Variants in ARK2C observed in about 807,000 individuals in gnomAD.
ARK2C encodes the protein E3 ubiquitin-protein ligase ARK2C.
the ARK2C span, among the ~76,000 whole-genome samples, chr18:46,419,101 T>C: frequency 6.6e-6 from 1 of 152,170 alleles, no homozygotes; most frequent in Non-Finnish European, 1.5e-5. Context: ...ACCCCAGAAG[T>C]AGGCTGTCAG....
chr18:46,398,027 G>A, the ARK2C span, among the ~76,000 whole-genome samples: 2 of 146,474 alleles, frequency 1.4e-5, no homozygotes, highest in Non-Finnish European at 3.0e-5. Flanking sequence ...GTGTGGTCAT[G>A]TGGAGGTGTG....
chr18:46,427,508 A>G, the ARK2C span, among the ~76,000 whole-genome samples: 1 of 152,206 alleles, frequency 6.6e-6, no homozygotes, highest in Non-Finnish European at 1.5e-5. Context: ...CCCACCCGGG[A>G]GGGTACTGGC....
the ARK2C span, among the ~76,000 whole-genome samples, chr18:46,347,617 G>A: frequency 5.3e-5 from 8 of 152,126 alleles, no homozygotes; most frequent in African/African-American, 9.7e-5. Context: ...TAAACGAGAC[G>A]GTGGATGTAA....
At chr18:46,366,040 C>A in the ARK2C span, among the ~76,000 whole-genome samples, 7 of 151,980 alleles carry the variant, frequency 4.6e-5, no homozygotes, top group African/African-American at 1.7e-4. Flanking sequence ...CACCTGTAAT[C>A]CCAGCACTTT....
chr18:46,424,455 G>C, the ARK2C span, among the ~76,000 whole-genome samples: 43 of 152,328 alleles, frequency 2.8e-4, no homozygotes, highest in Middle Eastern at 6.8e-3. Context: ...TCGAAGGTCA[G>C]CGCTGGTCCT....
chr18:46,459,655 C>T, the ARK2C span: 38 of 152,728 alleles, frequency 2.5e-4, no homozygotes, highest in African/African-American at 8.7e-4. Flanking sequence ...GTGCTCAGAA[C>T]CCTGCAGCTC....
the ARK2C span, among the ~76,000 whole-genome samples, chr18:46,375,274 C>T: frequency 1.3e-5 from 2 of 149,830 alleles, no homozygotes; most frequent in East Asian, 1.9e-4. Flanking sequence ...TTGTCCTGGC[C>T]GGGCACAGTG....
At chr18:46,428,418 GAAAAAC>G in the ARK2C span, among the ~76,000 whole-genome samples, 8 of 152,048 alleles carry the variant, frequency 5.3e-5, no homozygotes, top group East Asian at 5.8e-4. Context: ...AAAACAAAAA[GAAAAAC>G]AAAAACAAAA....
chr18:46,397,453 GGTGTGT>G, the ARK2C span, among the ~76,000 whole-genome samples: 1 of 118,872 alleles, frequency 8.4e-6, no homozygotes, highest in African/African-American at 3.4e-5. Flanking sequence ...GGTGTGAGGG[GGTGTGT>G]GTGTGTGTGT....
At chr18:46,442,127 C>T in the ARK2C span, among the ~76,000 whole-genome samples, 3 of 147,752 alleles carry the variant, frequency 2.0e-5, no homozygotes, top group African/African-American at 7.5e-5. Flanking sequence ...CGCGCCACTG[C>T]GCTCCAGCCT....
chr18:46,414,855 G>A, the ARK2C span, among the ~76,000 whole-genome samples: 10 of 152,178 alleles, frequency 6.6e-5, no homozygotes, highest in African/African-American at 2.4e-4. Flanking sequence ...TTCACCCCTA[G>A]GAAACATTTT....
chr18:46,343,618 C>G, the ARK2C span, among the ~76,000 whole-genome samples: 1 of 152,222 alleles, frequency 6.6e-6, no homozygotes, highest in Non-Finnish European at 1.5e-5. Flanking sequence ...CTGAGTACTC[C>G]GCGACTTCAC....
At chr18:46,456,435 C>G in the ARK2C span, 1 of 985,588 alleles carries the variant, frequency 1.0e-6, no homozygotes, top group Non-Finnish European at 1.6e-6. Flanking sequence ...GGGCAGTTCC[C>G]CAGGAGTCCT....
the ARK2C span, among the ~76,000 whole-genome samples, chr18:46,344,696 G>C: frequency 6.6e-6 from 1 of 152,206 alleles, no homozygotes; most frequent in Non-Finnish European, 1.5e-5. Context: ...CTCTGCCTGT[G>C]ACGTTTGGGA....
the ARK2C span, chr18:46,336,909 G>T: frequency 1.0e-6 from 1 of 985,430 alleles, no homozygotes; most frequent in Non-Finnish European, 1.2e-6. Context: ...TGAAATGACA[G>T]TTGCTGCTAT....
chr18:46,427,066 G>A, the ARK2C span, among the ~76,000 whole-genome samples: 1 of 152,256 alleles, frequency 6.6e-6, no homozygotes, highest in Non-Finnish European at 1.5e-5. Context: ...TTAGGGCTGA[G>A]GAGAGGCCCC....
chr18:46,334,201 C>A, the ARK2C span: 1 of 949,394 alleles, frequency 1.1e-6, no homozygotes, highest in Non-Finnish European at 1.3e-6. The surrounding 1 kb of genome is among the most constrained non-coding windows in gnomAD (Gnocchi z 4.4). Context: ...CCGCCGCCCG[C>A]GCCCGCGCCC....
the ARK2C span, among the ~76,000 whole-genome samples, chr18:46,439,261 AGATGACATTGCAGGGCAATG>A: frequency 6.6e-6 from 1 of 152,228 alleles, no homozygotes; most frequent in South Asian, 2.1e-4. Flanking sequence ...GAAAGATCTC[AGATGACATTGCAGGGCAATG>A]CGTAGCCAAA....
At chr18:46,421,477 T>C in the ARK2C span, among the ~76,000 whole-genome samples, 1 of 152,232 alleles carries the variant, frequency 6.6e-6, no homozygotes, top group Non-Finnish European at 1.5e-5. Flanking sequence ...TCTGCCTTCA[T>C]GGAGTGTACA....
Sources: gnomAD v4.1 joint callset for allele counts (sites outside exome capture counted in the v4.1 genomes callset) on GRCh38, gnomAD v4.1.1 for gene constraint, Gnocchi (gnomAD v3.1) non-coding constraint, MANE v1.5 for transcripts, NCBI Gene and HGNC (gene_info 2026-07-23, HGNC 2026-07-21) for gene names.